COL26A1: variants seen among roughly 807,000 people sequenced by gnomAD.
The protein encoded by COL26A1 is collagen type XXVI alpha 1 chain.
COL26A1 carries 41 observed loss-of-function variants against 59.3 expected under a neutral mutation model. The observed-to-expected ratio is 0.69, with a 90% CI of 0.54 to 0.90. The LOEUF (loss-of-function observed/expected upper bound fraction) is 0.90, where lower values mean the gene tolerates loss of function less well. Ranked by LOEUF, COL26A1 falls within the 40% of genes least tolerant of loss-of-function variation. The pLI is 0.00. For missense variants in COL26A1, 612 were observed against 602.3 expected, an observed-to-expected ratio of 1.02 and a Z score of -0.17; for synonymous variants, 266 against 256.0, an observed-to-expected ratio of 1.04 and a Z score of -0.37.
chr7:101,478,452 C>T (rs1211340145), intron 3 of COL26A1, among the ~76,000 whole-genome samples: 3 of 152,292 alleles, frequency 2.0e-5, no homozygotes, highest in Non-Finnish European at 1.5e-5. Flanking sequence ...GACTCAGTCA[C>T]CCTTAGTGTC....
chr7:101,467,917 C>T (rs971591688), intron 3 of COL26A1, among the ~76,000 whole-genome samples: 1 of 152,080 alleles, frequency 6.6e-6, no homozygotes, highest in African/African-American at 2.4e-5. Flanking sequence ...TTGAACCTAC[C>T]TGGCCCCCAG....
At chr7:101,513,296 C>T (rs910450647) in intron 3 of COL26A1, among the ~76,000 whole-genome samples, 3 of 151,802 alleles carry the variant, frequency 2.0e-5, no homozygotes, top group Admixed American at 2.0e-4. Flanking sequence ...GCATAAGCCA[C>T]CACGCCCAGC....
chr7:101,384,860 CA>C (rs1791530104), intron 1 of COL26A1, among the ~76,000 whole-genome samples: 1 of 152,050 alleles, frequency 6.6e-6, no homozygotes. Flanking sequence ...GTAAGGAAGC[CA>C]ACAGTGCAGC....
chr7:101,448,300 G>T (rs950694528), intron 3 of COL26A1, among the ~76,000 whole-genome samples: 1 of 152,184 alleles, frequency 6.6e-6, no homozygotes, highest in African/African-American at 2.4e-5. Context: ...CCTGGGCTCA[G>T]CCTGGCTCTG....
At chr7:101,496,025 GA>G (rs1421256731) in intron 3 of COL26A1, among the ~76,000 whole-genome samples, 1 of 152,042 alleles carries the variant, frequency 6.6e-6, no homozygotes, top group Non-Finnish European at 1.5e-5. Context: ...AGGCTGCAGT[GA>G]ACCATGATTA....
intron 2 of COL26A1, among the ~76,000 whole-genome samples, chr7:101,437,618 A>G (rs1562978797): frequency 1.3e-5 from 2 of 152,004 alleles, no homozygotes; most frequent in Admixed American, 6.6e-5. Context: ...TCTGTTGCCC[A>G]GGCTGGAGTG....
At chr7:101,367,979 C>G (rs1791090083) in intron 1 of COL26A1, among the ~76,000 whole-genome samples, 1 of 96,904 alleles carries the variant, frequency 1.0e-5, no homozygotes, top group Non-Finnish European at 2.0e-5. Flanking sequence ...CTACAAGTCT[C>G]CTCCACTGTC....
intron 2 of COL26A1, among the ~76,000 whole-genome samples, chr7:101,422,624 G>A (rs1356662570): frequency 6.9e-6 from 1 of 145,246 alleles, no homozygotes; most frequent in Middle Eastern, 3.2e-3. Flanking sequence ...TGTTGGAGAA[G>A]TGGCTGTCCT....
intron 3 of COL26A1, among the ~76,000 whole-genome samples, chr7:101,475,977 CT>C (rs1322340946): frequency 2.7e-5 from 4 of 146,966 alleles, no homozygotes; most frequent in South Asian, 4.3e-4. Context: ...CTTTGTCTCT[CT>C]TTCTTTCTTT....
At chr7:101,404,077 G>C (rs548144980) in intron 1 of COL26A1, among the ~76,000 whole-genome samples, 2 of 152,258 alleles carry the variant, frequency 1.3e-5, no homozygotes, top group African/African-American at 4.8e-5. Context: ...CTGGGCAACA[G>C]AGCTATGCAA....
intron 3 of COL26A1, among the ~76,000 whole-genome samples, chr7:101,524,238 T>G (rs1328154776): frequency 6.7e-6 from 1 of 149,554 alleles, no homozygotes; most frequent in Non-Finnish European, 1.5e-5. Context: ...ATCACTGCAC[T>G]CCAGCCTGGG....
chr7:101,477,445 C>G (rs949306584), intron 3 of COL26A1, among the ~76,000 whole-genome samples: 1 of 152,152 alleles, frequency 6.6e-6, no homozygotes, highest in African/African-American at 2.4e-5. Flanking sequence ...GTGACCCTCT[C>G]TTGGGCTGGT....
chr7:101,392,192 G>T (rs1005468586), intron 1 of COL26A1, among the ~76,000 whole-genome samples: 4 of 152,116 alleles, frequency 2.6e-5, no homozygotes, highest in African/African-American at 9.7e-5. Flanking sequence ...GGCCGTGAGG[G>T]TGGCGGGTGC....
intron 2 of COL26A1, among the ~76,000 whole-genome samples, chr7:101,446,624 A>G (rs567864922): frequency 6.6e-6 from 1 of 152,176 alleles, no homozygotes; most frequent in Non-Finnish European, 1.5e-5. Context: ...AGGTGGGTGG[A>G]TCACTTGAGG....
intron 1 of COL26A1, among the ~76,000 whole-genome samples, chr7:101,386,186 T>C (rs1173783286): frequency 6.6e-6 from 1 of 151,230 alleles, no homozygotes; most frequent in Non-Finnish European, 1.5e-5. Flanking sequence ...TTGGCCAGAC[T>C]GCATTCTGAA....
At position 101,423,714 on chromosome 7, in the gene COL26A1, G is replaced by A. The variant is rs535021849; in HGVS notation, c.281+3615G>A. Among the ~76,000 whole-genome samples, 6 of 152,064 alleles carry A rather than the reference G, an allele frequency of 3.9e-5. No homozygotes were observed. In the East Asian group the frequency reaches 9.7e-4, roughly 25 times the overall value. On this transcript the variant is annotated intron_variant, in intron 2 of 12. Coordinates refer to ENST00000313669, the MANE Select transcript of COL26A1 (RefSeq NM_001278563.3). ...CGCACCACCGCACTACAGCCTGGGC[G>A]ACAGAGTGAGACTCCGTCGCAAAAA...
chr7:101,472,510 T>A (rs1793927993), intron 3 of COL26A1, among the ~76,000 whole-genome samples: 1 of 152,182 alleles, frequency 6.6e-6, no homozygotes, highest in South Asian at 2.1e-4. Flanking sequence ...GGAGTCACTC[T>A]GGTTGAGACT....
rs1332705613 is a variant in COL26A1 at position 101,557,392 on chromosome 7, A to G, written c.1188A>G (p.Gly396=). 8.7e-6 allele frequency: 14 copies of G among 1,613,376 alleles called. No individual in the cohort carries two copies. Among genetic ancestry groups the G allele is most frequent in the African/African-American group, 1.3e-5 (1 of 74,922 alleles). Residue 396 remains glycine (G), a synonymous_variant, in exon 13 of 13, where the codon GGA becomes GGG. Coordinates refer to ENST00000313669, the MANE Select transcript of COL26A1 (RefSeq NM_001278563.3). ...GIHDPLASPE[G]GSGQDAALRA... is the part of the protein sequence containing the mutation. ...CAGATCCCCTGGCCTCCCCAGAGGG[A>G]GGTTCTGGCCAGGATGCTGCCCTGA...
intron 3 of COL26A1, among the ~76,000 whole-genome samples, chr7:101,513,628 A>G (rs1794971131): frequency 6.6e-6 from 1 of 152,192 alleles, no homozygotes; most frequent in Non-Finnish European, 1.5e-5. Flanking sequence ...TACAGGTGTG[A>G]GCCACCATGC....
Sources: gnomAD v4.1 joint callset for allele counts (sites outside exome capture counted in the v4.1 genomes callset) on GRCh38, gnomAD v4.1.1 for gene constraint, MANE v1.5 for transcripts, NCBI Gene and HGNC (gene_info 2026-07-23, HGNC 2026-07-21) for gene names.